The following RAB5C variants were observed in gnomAD, a reference collection of about 807,000 sequenced individuals.
RAB5C encodes ras-related protein Rab-5C.
Under a neutral mutation model 25.2 loss-of-function variants are expected in RAB5C, and 4 were observed. The observed-to-expected ratio is 0.16, with a 90% confidence interval of 0.08 to 0.36. The LOEUF is 0.36. RAB5C is among the 10% of genes least tolerant of loss of function. The pLI is 1.00. For missense variants in RAB5C, 199 were observed against 283.8 expected (o/e 0.70, Z 2.15); for synonymous variants, 100 against 106.4 (o/e 0.94, Z 0.37).
chr17:42,151,432 G>A (rs1381032461), intron 1 of RAB5C, among the ~76,000 whole-genome samples: 5 of 150,168 alleles, frequency 3.3e-5, no homozygotes, highest in African/African-American at 7.4e-5. Context: ...GCGAGACTCC[G>A]ACTCAAAAAA....
chr17:42,144,078 G>A (rs1161245475), intron 1 of RAB5C, among the ~76,000 whole-genome samples: 1 of 152,114 alleles, frequency 6.6e-6, no homozygotes, highest in African/African-American at 2.4e-5. Flanking sequence ...GAGCCACTGT[G>A]CCCGGCCTTA....
chr17:42,140,205 C>T (rs2054578501), intron 1 of RAB5C, among the ~76,000 whole-genome samples: 1 of 152,102 alleles, frequency 6.6e-6, no homozygotes, highest in South Asian at 2.1e-4. Context: ...CTCTCCAAAA[C>T]CCTTCCCGCC....
At chr17:42,125,999 T>A in intron 5 of RAB5C, 101 bp from the exon 6 acceptor site, 1 of 829,540 alleles carries the variant, frequency 1.2e-6, no homozygotes, top group South Asian at 1.6e-5. Flanking sequence ...CAGTGGTAAC[T>A]CACATATTGA....
At position 42,128,604 on chromosome 17, in the gene RAB5C, T is replaced by C. The variant is rs773890405; in HGVS notation, c.318+45A>G. On this transcript the variant is annotated intron_variant, in intron 3 of 5. Transcript: ENST00000346213. ...CTCTGATAACCCAATCCCTGGGACT[T>C]TGAGAAGATGAAGGGCAAAGGAAGA... The C allele has an allele frequency of 2.5e-5, 35 of 1,400,492 alleles. 1 individual carries two copies. The South Asian group carries it at 5.5e-4, about 22-fold the overall frequency. The allele number at this position is 1,400,492 out of a possible 1,614,324, so 86.8% of individuals were successfully genotyped here.
intron 1 of RAB5C, among the ~76,000 whole-genome samples, chr17:42,133,013 A>G (rs2054501669): frequency 6.6e-6 from 1 of 152,162 alleles, no homozygotes; most frequent in South Asian, 2.1e-4. Flanking sequence ...TAGGTGAATG[A>G]AACTCTCTTT....
At chr17:42,150,289 T>A (rs2079661676) in intron 1 of RAB5C, among the ~76,000 whole-genome samples, 3 of 151,932 alleles carry the variant, frequency 2.0e-5, no homozygotes, top group Admixed American at 2.0e-4. Flanking sequence ...GGTACACATG[T>A]TGAATCAGAA....
chr17:42,138,437 A>C (rs1019298742), intron 1 of RAB5C, among the ~76,000 whole-genome samples: 27 of 152,290 alleles, frequency 1.8e-4, no homozygotes, highest in Admixed American at 1.7e-3. Context: ...TCCAGCTCTT[A>C]AACCTAGACT....
At chr17:42,148,643 T>C (rs1281056069) in intron 1 of RAB5C, among the ~76,000 whole-genome samples, 2 of 152,268 alleles carry the variant, frequency 1.3e-5, no homozygotes, top group East Asian at 1.9e-4. Flanking sequence ...AGACAGCCCA[T>C]GTAGGAGACA....
chr17:42,126,124 C>T (rs1357670102), intron 5 of RAB5C, among the ~76,000 whole-genome samples: 2 of 152,062 alleles, frequency 1.3e-5, no homozygotes, highest in Admixed American at 6.6e-5. Context: ...GGATCTGCAA[C>T]CCAGGAAGGA....
chr17:42,125,443 A>G lies in RAB5C; in HGVS notation c.*340T>C. The G allele has an allele frequency of 4.0e-6, 1 of 248,656 alleles. No homozygotes were observed. The highest frequency in any genetic ancestry group is 5.6e-5 in the South Asian group (1 of 17,930). The allele number at this position is 248,656 out of a possible 1,614,324, so 15.4% of individuals were successfully genotyped here. A position where few individuals can be genotyped will look rare whatever the true frequency, so the allele number is the denominator to read the frequency against. ...AAGAAAGGGTAGCTGCACTGACCCC[A>G]CTGTCCCCATATACAAGGGTTGGGG... On this transcript the variant is annotated 3_prime_UTR_variant, in exon 6 of 6. Transcript: ENST00000346213.
At chr17:42,146,491 C>T (rs1598257052) in intron 1 of RAB5C, among the ~76,000 whole-genome samples, 1 of 152,314 alleles carries the variant, frequency 6.6e-6, no homozygotes, top group East Asian at 1.9e-4. Flanking sequence ...TGGCTCACAC[C>T]TGTAATCCCA....
intron 1 of RAB5C, among the ~76,000 whole-genome samples, chr17:42,153,299 C>T (rs1413508116): frequency 6.6e-6 from 1 of 152,094 alleles, no homozygotes; most frequent in African/African-American, 2.4e-5. Context: ...GCCTGTTAAT[C>T]CCAGCTACTC....
rs1168534196 is a variant in RAB5C, at chr17:42,130,531, G to C, written c.-29C>G. 1.2e-6 allele frequency: 2 copies of C among 1,612,990 alleles called. No homozygotes were observed. The highest frequency in any genetic ancestry group is 1.7e-6 in the Non-Finnish European group (2 of 1,179,742). Reference sequence around the variant, plus strand: ...CCGTCCAGCTGTAGTGGTCCAGAGAGCGTGCGGGTGGGGACTGGTGCTATG... The same window carrying C: ...CCGTCCAGCTGTAGTGGTCCAGAGACCGTGCGGGTGGGGACTGGTGCTATG... On this transcript the variant is annotated 5_prime_UTR_variant, in exon 2 of 6. Coordinates refer to ENST00000346213, the MANE Select transcript of RAB5C (RefSeq NM_004583.4).
At chr17:42,130,107 T>C (rs2054469204) in intron 2 of RAB5C, 2 of 566,550 alleles carry the variant, frequency 3.5e-6, no homozygotes, top group Admixed American at 6.7e-5. Context: ...AGAAACAGGA[T>C]GGGAAGCTAG....
At chr17:42,147,797 T>G (rs901426642) in intron 1 of RAB5C, among the ~76,000 whole-genome samples, 8 of 152,168 alleles carry the variant, frequency 5.3e-5, no homozygotes, top group African/African-American at 1.9e-4. Flanking sequence ...GAAGTGTGTG[T>G]TAAAAGAAGT....
intron 1 of RAB5C, among the ~76,000 whole-genome samples, chr17:42,144,835 G>A (rs1367474771): frequency 7.9e-5 from 12 of 151,334 alleles, no homozygotes; most frequent in Non-Finnish European, 1.5e-4. Flanking sequence ...GCTGAGGCAG[G>A]AGAATGGCGT....
intron 1 of RAB5C, among the ~76,000 whole-genome samples, chr17:42,153,614 C>T (rs1352689782): frequency 1.3e-5 from 2 of 152,136 alleles, no homozygotes; most frequent in Admixed American, 6.6e-5. Flanking sequence ...ACAAACTGCA[C>T]GGCTTTCCGT....
rs1166188934 is a variant in RAB5C, at chr17:42,144,942, A to G, written c.-89+9951T>C. 2.2e-4 allele frequency among the ~76,000 whole-genome samples: 6 copies of G among 26,914 alleles called. No homozygotes were observed. The African/African-American group carries it at 2.7e-3, about 12-fold the overall frequency. The allele number at this position is 26,914 out of a possible 152,430, so 17.7% of individuals were successfully genotyped here. ...CTCCGTCTCAAAAAAAAAAAAAAAA[A>G]AAAAAAAAAAAAAAAAAAAAAAAAA... On this transcript the variant is annotated intron_variant, in intron 1 of 5. Coordinates refer to ENST00000346213, the MANE Select transcript of RAB5C (RefSeq NM_004583.4).
At chr17:42,140,634 G>A (rs559571230) in intron 1 of RAB5C, among the ~76,000 whole-genome samples, 180 of 149,446 alleles carry the variant, frequency 1.2e-3, no homozygotes, top group Middle Eastern at 0.011. Context: ...AGCGATTCTC[G>A]TGCTTCAGCC....
Sources: gnomAD v4.1 joint callset for allele counts (sites outside exome capture counted in the v4.1 genomes callset) on GRCh38, gnomAD v4.1.1 for gene constraint, MANE v1.5 for transcripts, NCBI Gene and HGNC (gene_info 2026-07-23, HGNC 2026-07-21) for gene names.